Variants in INO80C observed in about 807,000 individuals in gnomAD.
The protein encoded by INO80C is IES6 homolog.
In INO80C, 17 loss-of-function variants were observed where a neutral mutation model predicts 17.7. The ratio of observed to expected loss-of-function variants is 0.96; its 90% CI spans 0.66 to 1.44. The LOEUF is 1.44. INO80C is among the 40% of genes most tolerant of loss of function. The pLI, the probability that INO80C is intolerant of heterozygous loss-of-function variation, is 0.00. For synonymous variants in INO80C, 96 were observed against 95.8 expected (o/e 1.00, Z -0.01); for missense variants, 244 against 245.0 (o/e 1.00, Z 0.03).
chr18:35,492,770 C>T (rs1402935279), intron 1 of INO80C, among the ~76,000 whole-genome samples: 2 of 152,218 alleles, frequency 1.3e-5, no homozygotes, highest in Non-Finnish European at 2.9e-5. Flanking sequence ...ACTGCCTCTC[C>T]ACTTTAGATG....
At chr18:35,496,950 A>G (rs933673804) in intron 1 of INO80C, 1 of 152,274 alleles carries the variant, frequency 6.6e-6, no homozygotes, top group African/African-American at 2.4e-5. Flanking sequence ...CAGAAGAAGG[A>G]ACAAGATTTC....
At chr18:35,494,612 A>G (rs1179807196) in intron 1 of INO80C, among the ~76,000 whole-genome samples, 2 of 152,200 alleles carry the variant, frequency 1.3e-5, no homozygotes, top group Non-Finnish European at 2.9e-5. Flanking sequence ...TGCCGCCCCA[A>G]AAGAACAGAA....
At chr18:35,497,409 G>A in intron 1 of INO80C, 8 of 1,130,124 alleles carry the variant, frequency 7.1e-6, no homozygotes, top group Non-Finnish European at 8.7e-6. Flanking sequence ...ATTTCTGAAT[G>A]ACTGACACTC....
chr18:35,495,295 G>C (rs550512894), intron 1 of INO80C, among the ~76,000 whole-genome samples: 8 of 152,146 alleles, frequency 5.3e-5, no homozygotes, highest in African/African-American at 1.7e-4. Flanking sequence ...TGCACCTGTC[G>C]TCCCAGCTAC....
At chr18:35,470,033 G>A (rs966053392) in intron 4 of INO80C, among the ~76,000 whole-genome samples, 1 of 152,152 alleles carries the variant, frequency 6.6e-6, no homozygotes, top group Non-Finnish European at 1.5e-5. Context: ...ACATGAGGGT[G>A]AGTCATTTTG....
chr18:35,468,582 G>C lies in INO80C; in HGVS notation c.*29C>G. 1.2e-6 allele frequency: 2 copies of C among 1,613,862 alleles called. No homozygotes were observed. Among genetic ancestry groups the C allele is most frequent in the Non-Finnish European group, 1.7e-6 (2 of 1,179,916 alleles). ...GAGTCCAGAGTCTGTTTTTGAAACA[G>C]CTTTCCACTTCATCTCCCTTTCTGG... On this transcript the variant is annotated 3_prime_UTR_variant, in exon 5 of 5. Coordinates refer to ENST00000334598, the MANE Select transcript of INO80C (RefSeq NM_194281.4).
chr18:35,487,349 G>C, intron 1 of INO80C: 1 of 388,716 alleles, frequency 2.6e-6, no homozygotes, highest in South Asian at 1.9e-5. Flanking sequence ...CCTAAGACTG[G>C]GTAAATTATA....
chr18:35,481,068 G>A (rs1489089817), intron 1 of INO80C, among the ~76,000 whole-genome samples: 1 of 152,094 alleles, frequency 6.6e-6, no homozygotes, highest in South Asian at 2.1e-4. Context: ...AGACAACAAA[G>A]GTCCAGCCCC....
chr18:35,481,929 T>C (rs979643526), intron 1 of INO80C, among the ~76,000 whole-genome samples: 4 of 152,196 alleles, frequency 2.6e-5, no homozygotes, highest in African/African-American at 7.2e-5. Flanking sequence ...TGTTGTTGCG[T>C]GGATCAGTCT....
chr18:35,472,165 A>G (rs2045678538), intron 4 of INO80C, among the ~76,000 whole-genome samples: 1 of 152,168 alleles, frequency 6.6e-6, no homozygotes, highest in African/African-American at 2.4e-5. Context: ...CTAGATTCTT[A>G]AGGAATCGCC....
In INO80C at chr18:35,480,726, C is replaced by T. The variant is rs374283843; in HGVS notation, c.157-163G>A. Among the ~76,000 whole-genome samples the T allele has an allele frequency of 2.8e-4, 43 of 152,310 alleles. 1 individual carries two copies. In the East Asian group the frequency reaches 3.1e-3, roughly 11 times the overall value. ...CTGCCCTAGGGGAGGGCACACCACA[C>T]GGGGAGTAGCACCTGCTGTGCAGAA... On this transcript the variant is annotated intron_variant, in intron 1 of 4. Transcript: ENST00000334598.
chr18:35,487,230 A>G (rs1018603039), intron 1 of INO80C, among the ~76,000 whole-genome samples: 1 of 152,218 alleles, frequency 6.6e-6, no homozygotes, highest in South Asian at 2.1e-4. Flanking sequence ...CCATGAGGAA[A>G]TATCAGACAG....
In INO80C at chr18:35,479,134, T is replaced by G. The variant is rs570182084; in HGVS notation, c.379+166A>C. On this transcript the variant is annotated intron_variant, in intron 3 of 4. Transcript: ENST00000334598. ...CAAATAGGCTCAATACAGATACAGT[T>G]ATGAGAAAATACACACATAATCTGC... is the stretch of plus-strand genomic sequence containing the variant. The G allele has an allele frequency of 3.1e-5, 18 of 573,710 alleles. No individual in the cohort carries two copies. The South Asian group carries it at 3.5e-4, about 11-fold the overall frequency. The allele number at this position is 573,710 out of a possible 1,614,324, so 35.5% of individuals were successfully genotyped here.
chr18:35,487,285 T>C, intron 1 of INO80C: 1 of 270,030 alleles, frequency 3.7e-6, no homozygotes, highest in Non-Finnish European at 7.4e-6. Flanking sequence ...CCAGTACTCT[T>C]CAAGTGTCAA....
At chr18:35,469,359 G>A (rs2045642465) in intron 4 of INO80C, among the ~76,000 whole-genome samples, 1 of 152,104 alleles carries the variant, frequency 6.6e-6, no homozygotes, top group South Asian at 2.1e-4. Context: ...CTCTGCTCTT[G>A]GGACAAAGGC....
chr18:35,470,778 C>T (rs546017737), intron 4 of INO80C, among the ~76,000 whole-genome samples: 3 of 152,374 alleles, frequency 2.0e-5, no homozygotes, highest in South Asian at 4.1e-4. Flanking sequence ...CAGGGGCCAA[C>T]ATCTAGGATT....
intron 1 of INO80C, 48 bp downstream of exon 1, chr18:35,497,671 G>C (rs375910603): frequency 1.3e-6 from 2 of 1,584,030 alleles, no homozygotes; most frequent in South Asian, 1.1e-5. Flanking sequence ...GCCCCGCCAA[G>C]TCCCGTTTCG....
chr18:35,478,313 G>C lies in INO80C; in HGVS notation c.416C>G (p.Ala139Gly). ...ACCTGAAACATCAGAATACTTCTTA[G>C]CTGGCTTAAAGGATGGAGGAGCATC... is the stretch of plus-strand genomic sequence containing the variant. ...SIDAPPSFKP[A>G]KKYSDVSGLL... The change falls in exon 4 of 5, where the codon GCT (alanine) becomes GGT (glycine). Residue 139 changes from alanine to glycine, a missense_variant. Ala to Gly is a moderately conservative substitution (Grantham distance 60). Coordinates refer to ENST00000334598, the MANE Select transcript of INO80C (RefSeq NM_194281.4). 6.2e-7 allele frequency: 1 copy of C among 1,605,400 alleles called. No individual in the cohort carries two copies. The highest frequency in any genetic ancestry group is 1.1e-5 in the South Asian group (1 of 90,242).
intron 4 of INO80C, among the ~76,000 whole-genome samples, chr18:35,472,866 C>T (rs2045686924): frequency 6.6e-6 from 1 of 152,198 alleles, no homozygotes; most frequent in African/African-American, 2.4e-5. Flanking sequence ...TCTTCTCTGG[C>T]AATTGCCTAT....
Sources: allele counts gnomAD v4.1 joint callset (sites outside exome capture counted in the v4.1 genomes callset), GRCh38; gene constraint gnomAD v4.1.1; transcripts MANE v1.5; gene names NCBI Gene and HGNC (gene_info 2026-07-23, HGNC 2026-07-21).